Variants in AJAP1 observed in about 807,000 individuals in gnomAD.
The protein encoded by AJAP1 is adherens junction-associated protein 1.
In AJAP1, 5 loss-of-function variants were observed where a neutral mutation model predicts 35.0. The ratio of observed to expected loss-of-function variants is 0.14; its 90% CI spans 0.07 to 0.30. The LOEUF is 0.30. AJAP1 is among the 10% of genes least tolerant of loss of function. The pLI, the probability that AJAP1 is intolerant of heterozygous loss-of-function variation, is 1.00. For synonymous variants in AJAP1, 284 were observed against 249.3 expected, an observed-to-expected ratio of 1.14 and a Z score of -1.31; for missense variants, 586 against 571.0, an observed-to-expected ratio of 1.03 and a Z score of -0.27.
At chr1:4,752,669 G>A (rs909177439) in intron 2 of AJAP1, among the ~76,000 whole-genome samples, 1 of 152,148 alleles carries the variant, frequency 6.6e-6, no homozygotes. Flanking sequence ...CAGGGACCAG[G>A]ACTGTCTTGC....
chr1:4,781,969 G>T (rs1462295671), intron 5 of AJAP1, among the ~76,000 whole-genome samples: 1 of 152,178 alleles, frequency 6.6e-6, no homozygotes, highest in Non-Finnish European at 1.5e-5. Flanking sequence ...TCTCTCTTTG[G>T]CAAGATCACC....
chr1:4,691,259 C>T (rs1051594373), intron 1 of AJAP1, among the ~76,000 whole-genome samples: 2 of 152,180 alleles, frequency 1.3e-5, no homozygotes, highest in African/African-American at 4.8e-5. Context: ...GGGTGCTCCT[C>T]CCTCCCTCCT....
intron 2 of AJAP1, among the ~76,000 whole-genome samples, chr1:4,750,210 G>A (rs1641291462): frequency 6.6e-6 from 1 of 152,228 alleles, no homozygotes; most frequent in South Asian, 2.1e-4. Context: ...GTGTGCGTGT[G>A]TGCATGTATT....
chr1:4,739,239 C>T (rs1175587972), intron 2 of AJAP1, among the ~76,000 whole-genome samples: 5 of 152,228 alleles, frequency 3.3e-5, no homozygotes, highest in African/African-American at 1.2e-4. Flanking sequence ...CACAGCATCC[C>T]ACTTTGCTCA....
intron 1 of AJAP1, among the ~76,000 whole-genome samples, chr1:4,665,091 G>A (rs999442985): frequency 6.6e-6 from 1 of 151,946 alleles, no homozygotes; most frequent in Non-Finnish European, 1.5e-5. Context: ...GTTTTCAGTC[G>A]ACGCCCCCAC....
intron 5 of AJAP1, among the ~76,000 whole-genome samples, chr1:4,777,989 C>G (rs576773142): frequency 1.3e-5 from 2 of 152,260 alleles, no homozygotes; most frequent in African/African-American, 4.8e-5. Flanking sequence ...TGCTCTGCCC[C>G]GGGGACACCT....
intron 1 of AJAP1, among the ~76,000 whole-genome samples, chr1:4,672,274 A>G (rs1564666): frequency 0.082 from 12,449 of 152,226 alleles, 708 homozygotes; most frequent in Admixed American, 0.17. Flanking sequence ...AGGAGCGCCA[A>G]GCATATCAGA....
intron 2 of AJAP1, among the ~76,000 whole-genome samples, chr1:4,752,523 G>T (rs1301697714): frequency 2.0e-5 from 3 of 152,166 alleles, no homozygotes; most frequent in African/African-American, 7.2e-5. Context: ...CTCATAGCAG[G>T]CTCTGAATAA....
intron 2 of AJAP1, among the ~76,000 whole-genome samples, chr1:4,738,957 A>G (rs1640994687): frequency 6.6e-6 from 1 of 151,814 alleles, no homozygotes; most frequent in Non-Finnish European, 1.5e-5. Context: ...GGAGGTGGGA[A>G]GGGCGTGGGG....
At chr1:4,695,289 TG>T (rs1254587556) in intron 1 of AJAP1, among the ~76,000 whole-genome samples, 2 of 152,092 alleles carry the variant, frequency 1.3e-5, no homozygotes, top group Non-Finnish European at 1.5e-5. Flanking sequence ...CACTCCGTGG[TG>T]AGTGGTGGTG....
intron 1 of AJAP1, among the ~76,000 whole-genome samples, chr1:4,667,268 C>A (rs1395225369): frequency 6.6e-6 from 1 of 152,120 alleles, no homozygotes; most frequent in Non-Finnish European, 1.5e-5. Context: ...CAGCCTAGAC[C>A]ACGTGGGCAC....
rs562943672 is a variant in AJAP1 at position 4,731,528 on chromosome 1, G to A, written c.829+18829G>A. 1.5e-4 allele frequency among the ~76,000 whole-genome samples: 23 copies of A among 152,314 alleles called. 1 individual carries two copies. The South Asian group carries it at 2.3e-3, about 15-fold the overall frequency. ...CTTCAGAAAGGTGTGAACATTTTGC[G>A]TGACAGGTAAGAAAGTCAAGGGCTT... On this transcript the variant is annotated intron_variant, in intron 2 of 5. Coordinates refer to ENST00000378191, the MANE Select transcript of AJAP1 (RefSeq NM_018836.4).
At chr1:4,751,093 A>G (rs77501982) in intron 2 of AJAP1, among the ~76,000 whole-genome samples, 29,360 of 151,680 alleles carry the variant, frequency 0.19, 3,296 homozygotes, top group Admixed American at 0.31. Flanking sequence ...CACAACCCCC[A>G]GTGCCTCTCG....
intron 2 of AJAP1, among the ~76,000 whole-genome samples, chr1:4,728,561 G>C (rs1339071642): frequency 1.3e-5 from 2 of 152,186 alleles, no homozygotes; most frequent in African/African-American, 4.8e-5. Context: ...CTGTCGCCGT[G>C]GGGGCCTGGC....
At chr1:4,717,374 C>T (rs1640417830) in intron 2 of AJAP1, among the ~76,000 whole-genome samples, 1 of 152,196 alleles carries the variant, frequency 6.6e-6, no homozygotes, top group Admixed American at 6.5e-5. Context: ...CCGCTGCTTT[C>T]CCCAGCTCAT....
At chr1:4,772,590 C>T (rs1041223195) in intron 4 of AJAP1, 65 bp downstream of exon 4, 97 of 1,585,350 alleles carry the variant, frequency 6.1e-5, no homozygotes, top group African/African-American at 3.5e-4. Flanking sequence ...CCCCGGGGGC[C>T]GGTGTGGCTG....
At chr1:4,668,863 A>T (rs1282958949) in intron 1 of AJAP1, among the ~76,000 whole-genome samples, 2 of 152,212 alleles carry the variant, frequency 1.3e-5, no homozygotes, top group East Asian at 3.8e-4. Context: ...TGAGAGACTG[A>T]AGTCCATGAC....
At chr1:4,768,754 CT>C (rs1427235048) in intron 2 of AJAP1, among the ~76,000 whole-genome samples, 1 of 152,192 alleles carries the variant, frequency 6.6e-6, no homozygotes, top group Non-Finnish European at 1.5e-5. Flanking sequence ...CCCTCACTGC[CT>C]TGATCTTCCA....
chr1:4,728,695 G>T (rs980545281), intron 2 of AJAP1, among the ~76,000 whole-genome samples: 3 of 152,170 alleles, frequency 2.0e-5, no homozygotes, highest in East Asian at 1.9e-4. Flanking sequence ...CGTCTACAGC[G>T]AAAGGTCATT....
Sources: allele counts gnomAD v4.1 joint callset (sites outside exome capture counted in the v4.1 genomes callset), GRCh38; gene constraint gnomAD v4.1.1; transcripts MANE v1.5; gene names NCBI Gene and HGNC (gene_info 2026-07-23, HGNC 2026-07-21).